Variants in JAM3 observed in about 807,000 individuals in gnomAD.
JAM3 encodes junctional adhesion molecule 3.
JAM3 carries 31 observed loss-of-function variants against 39.4 expected under a neutral mutation model. That is an observed-to-expected ratio of 0.79 (90% CI 0.59 to 1.06). The LOEUF is 1.06. Among genes scored for constraint, JAM3 ranks in the 50% least tolerant of loss-of-function variants. JAM3 has a pLI of 0.00. For synonymous variants in JAM3, 182 were observed against 148.7 expected, an observed-to-expected ratio of 1.22 and a Z score of -1.63; for missense variants, 455 against 391.4, an observed-to-expected ratio of 1.16 and a Z score of -1.37.
At chr11:134,106,706 A>C (rs997090373) in intron 1 of JAM3, among the ~76,000 whole-genome samples, 1 of 152,278 alleles carries the variant, frequency 6.6e-6, no homozygotes, top group African/African-American at 2.4e-5. Context: ...GAAAACATTT[A>C]TGCAGCCAAA....
chr11:134,144,715 A>C, intron 4 of JAM3, 77 bp from the exon 5 acceptor site: 1 of 1,315,916 alleles, frequency 7.6e-7, no homozygotes, highest in Non-Finnish European at 1.1e-6. Context: ...TTGTCTTTGG[A>C]GCTGATTTCT....
intron 1 of JAM3, among the ~76,000 whole-genome samples, chr11:134,135,206 A>G (rs1469582628): frequency 2.0e-5 from 3 of 152,218 alleles, no homozygotes; most frequent in Non-Finnish European, 4.4e-5. Context: ...GACTTAATAT[A>G]AGGGTCTAAC....
At chr11:134,069,519 C>T (rs1233645604) in intron 1 of JAM3, among the ~76,000 whole-genome samples, 2 of 151,472 alleles carry the variant, frequency 1.3e-5, no homozygotes, top group Admixed American at 6.6e-5. Context: ...CGGGTGGGCT[C>T]CTCCCAGGCG....
intron 1 of JAM3, among the ~76,000 whole-genome samples, chr11:134,122,330 A>C (rs766123248): frequency 3.3e-5 from 5 of 152,216 alleles, no homozygotes; most frequent in Non-Finnish European, 7.3e-5. Context: ...CCTTAGAAGC[A>C]GGGCACTACT....
chr11:134,078,402 G>A (rs973573401), intron 1 of JAM3, among the ~76,000 whole-genome samples: 6 of 152,136 alleles, frequency 3.9e-5, no homozygotes, highest in Non-Finnish European at 5.9e-5. Flanking sequence ...TTACAGGTGT[G>A]AGCCACCGCA....
At chr11:134,104,910 C>T (rs1198492718) in intron 1 of JAM3, among the ~76,000 whole-genome samples, 2 of 152,054 alleles carry the variant, frequency 1.3e-5, no homozygotes, top group African/African-American at 4.8e-5. Context: ...GATTCACAGC[C>T]GAATTCTACC....
chr11:134,096,123 C>T lies in JAM3; in HGVS notation c.76+26964C>T, dbSNP rs547127852. ...TCCCAAGTAGCTGGGATGACAGGTG[C>T]GCGCCACTACACCTGCCTGAGTTTT... On this transcript the variant is annotated intron_variant, in intron 1 of 8. Coordinates refer to ENST00000299106, the MANE Select transcript of JAM3 (RefSeq NM_032801.5). Among the ~76,000 whole-genome samples the T allele has an allele frequency of 7.0e-4, 107 of 152,162 alleles. 2 individuals carry two copies. In the South Asian group the frequency reaches 0.02, roughly 28 times the overall value.
At chr11:134,077,613 C>T (rs1237313493) in intron 1 of JAM3, among the ~76,000 whole-genome samples, 1 of 149,688 alleles carries the variant, frequency 6.7e-6, no homozygotes, top group African/African-American at 2.5e-5. Flanking sequence ...ATCCACTCGC[C>T]TCAGCCTCCT....
chr11:134,128,397 C>G (rs1942695591), intron 1 of JAM3, among the ~76,000 whole-genome samples: 1 of 152,202 alleles, frequency 6.6e-6, no homozygotes, highest in Admixed American at 6.5e-5. Context: ...TATTTTGGTA[C>G]TCAAAAATTT....
chr11:134,128,352 T>C (rs1051753023), intron 1 of JAM3, among the ~76,000 whole-genome samples: 14 of 152,232 alleles, frequency 9.2e-5, no homozygotes, highest in African/African-American at 3.4e-4. Flanking sequence ...TTGAACAAAA[T>C]ACTTAACAGC....
chr11:134,124,451 A>C, intron 1 of JAM3: 2 of 510,816 alleles, frequency 3.9e-6, no homozygotes, highest in Non-Finnish European at 7.0e-6. Flanking sequence ...ATTATCAATC[A>C]GTGTTTTCTC....
intron 6 of JAM3, among the ~76,000 whole-genome samples, chr11:134,146,864 G>A (rs2120367881): frequency 6.6e-6 from 1 of 152,306 alleles, no homozygotes; most frequent in African/African-American, 2.4e-5. Context: ...ACTGTGCCCA[G>A]CCAGGAGCAT....
chr11:134,111,192 C>T (rs907910002), intron 1 of JAM3, among the ~76,000 whole-genome samples: 1 of 130,434 alleles, frequency 7.7e-6, no homozygotes, highest in African/African-American at 3.0e-5. Flanking sequence ...CGCCCAGGCT[C>T]GAGTGCAGTG....
At chr11:134,122,447 G>C (rs1402661157) in intron 1 of JAM3, among the ~76,000 whole-genome samples, 2 of 152,182 alleles carry the variant, frequency 1.3e-5, no homozygotes, top group Non-Finnish European at 2.9e-5. Context: ...CAAAGGATCA[G>C]AAAAACACCT....
chr11:134,098,288 G>C (rs1453985161), intron 1 of JAM3, among the ~76,000 whole-genome samples: 1 of 152,152 alleles, frequency 6.6e-6, no homozygotes, highest in East Asian at 1.9e-4. Context: ...CAACTTCAGA[G>C]AGGAAAACTA....
chr11:134,105,630 A>C (rs1222244563), intron 1 of JAM3, among the ~76,000 whole-genome samples: 1 of 152,252 alleles, frequency 6.6e-6, no homozygotes, highest in Non-Finnish European at 1.5e-5. Flanking sequence ...AATCTCCTTA[A>C]GCTAATAAGC....
intron 1 of JAM3, among the ~76,000 whole-genome samples, chr11:134,098,342 T>G (rs1942019299): frequency 6.6e-6 from 1 of 152,182 alleles, no homozygotes; most frequent in Non-Finnish European, 1.5e-5. Context: ...TTGAAAGAGG[T>G]CTTTTAATTT....
intron 1 of JAM3, among the ~76,000 whole-genome samples, chr11:134,125,588 A>C (rs1395392959): frequency 6.6e-6 from 1 of 152,190 alleles, no homozygotes; most frequent in Non-Finnish European, 1.5e-5. Context: ...TGACCTCGCT[A>C]GCATCCGATC....
chr11:134,106,385 A>G (rs1455103204), intron 1 of JAM3, among the ~76,000 whole-genome samples: 3 of 152,164 alleles, frequency 2.0e-5, no homozygotes, highest in Non-Finnish European at 2.9e-5. Context: ...ACCTAAAACC[A>G]TAAAAACCCT....
Sources: gnomAD v4.1 joint callset for allele counts (sites outside exome capture counted in the v4.1 genomes callset) on GRCh38, gnomAD v4.1.1 for gene constraint, MANE v1.5 for transcripts, NCBI Gene and HGNC (gene_info 2026-07-23, HGNC 2026-07-21) for gene names.